CTDSPL: variants seen among roughly 807,000 people sequenced by gnomAD.
CTDSPL encodes CTD small phosphatase-like protein.
CTDSPL carries 8 observed loss-of-function variants against 30.5 expected under a neutral mutation model. That is an observed-to-expected ratio of 0.26 (90% CI 0.15 to 0.47). The LOEUF (loss-of-function observed/expected upper bound fraction) is 0.47, where lower values mean the gene tolerates loss of function less well. CTDSPL is among the 20% of genes least tolerant of loss of function. CTDSPL has a pLI of 0.99. For synonymous variants in CTDSPL, 110 were observed against 137.9 expected, an observed-to-expected ratio of 0.80 and a Z score of 1.42; for missense variants, 248 against 366.1, an observed-to-expected ratio of 0.68 and a Z score of 2.63.
At chr3:37,931,124 C>G (rs1698848994) in intron 1 of CTDSPL, among the ~76,000 whole-genome samples, 1 of 151,198 alleles carries the variant, frequency 6.6e-6, no homozygotes, top group Admixed American at 6.6e-5. Context: ...TTTTCTCCCC[C>G]TCTATTCAGC....
intron 1 of CTDSPL, among the ~76,000 whole-genome samples, chr3:37,895,963 A>G (rs1319979861): frequency 3.3e-5 from 5 of 152,214 alleles, no homozygotes; most frequent in Non-Finnish European, 7.4e-5. Context: ...AAAGTGAAGT[A>G]AAATTGTACT....
chr3:37,903,817 A>G (rs943215064), intron 1 of CTDSPL, among the ~76,000 whole-genome samples: 2 of 152,134 alleles, frequency 1.3e-5, no homozygotes, highest in Non-Finnish European at 2.9e-5. Flanking sequence ...AGAAGCTACA[A>G]TGGGTCAAGC....
intron 1 of CTDSPL, 96 bp from the exon 2 acceptor site, chr3:37,946,961 G>T (rs1299776728): frequency 2.9e-6 from 4 of 1,376,986 alleles, no homozygotes; most frequent in Non-Finnish European, 3.9e-6. Flanking sequence ...GGAATCTGGG[G>T]TCTGGGGGGC....
intron 1 of CTDSPL, among the ~76,000 whole-genome samples, chr3:37,891,011 T>A (rs1054170385): frequency 6.6e-6 from 1 of 152,168 alleles, no homozygotes; most frequent in African/African-American, 2.4e-5. Flanking sequence ...GCTTGCCTAG[T>A]ATGACACAAG....
intron 1 of CTDSPL, among the ~76,000 whole-genome samples, chr3:37,891,408 A>C (rs1698323622): frequency 6.6e-6 from 1 of 152,178 alleles, no homozygotes; most frequent in African/African-American, 2.4e-5. Context: ...GTTGTGAAGG[A>C]AAGGGCCCTT....
At chr3:37,917,123 G>A (rs1222882000) in intron 1 of CTDSPL, among the ~76,000 whole-genome samples, 5 of 152,140 alleles carry the variant, frequency 3.3e-5, no homozygotes, top group African/African-American at 1.2e-4. Context: ...ACACATATTC[G>A]TCTGTTCATT....
At chr3:37,909,076 G>T (rs779919929) in intron 1 of CTDSPL, among the ~76,000 whole-genome samples, 20 of 152,074 alleles carry the variant, frequency 1.3e-4, no homozygotes, top group Non-Finnish European at 2.2e-4. Context: ...CAATTAATTG[G>T]TCTTTCTCTT....
At chr3:37,898,687 C>A (rs1223154972) in intron 1 of CTDSPL, among the ~76,000 whole-genome samples, 1 of 152,128 alleles carries the variant, frequency 6.6e-6, no homozygotes, top group African/African-American at 2.4e-5. Context: ...AAGTAACATA[C>A]AACAATGATA....
intron 1 of CTDSPL, among the ~76,000 whole-genome samples, chr3:37,882,435 C>T (rs1372296624): frequency 1.9e-5 from 2 of 107,794 alleles, no homozygotes; most frequent in Non-Finnish European, 3.7e-5. Flanking sequence ...GAGCAAGACT[C>T]TAACTCAAAA....
chr3:37,889,451 G>T (rs1300584370), intron 1 of CTDSPL, among the ~76,000 whole-genome samples: 3 of 152,012 alleles, frequency 2.0e-5, no homozygotes, highest in Non-Finnish European at 4.4e-5. Context: ...GTTTCCAAAA[G>T]GTAGAATGAA....
chr3:37,949,347 G>T (rs1699082486), intron 2 of CTDSPL, among the ~76,000 whole-genome samples: 1 of 152,126 alleles, frequency 6.6e-6, no homozygotes, highest in African/African-American at 2.4e-5. Context: ...AATGTGCAAA[G>T]ATTTAACCAT....
intron 1 of CTDSPL, among the ~76,000 whole-genome samples, chr3:37,868,317 C>G (rs1012336867): frequency 1.2e-4 from 18 of 151,586 alleles, no homozygotes; most frequent in Non-Finnish European, 2.2e-4. Context: ...GATATTAGTC[C>G]TTTTTCAGAT....
Position 37,967,865 on chromosome 3 carries a change from G to A in CTDSPL, c.409G>A (p.Asp137Asn), listed in dbSNP as rs745705651. The change falls in exon 5 of 8, where the codon GAT becomes AAT. Residue 137 changes from aspartate (D) to asparagine (N), a missense_variant. This residue lies in a region of CTDSPL where 45 missense variants were observed against 83.1 expected (regional missense o/e 0.54). Coordinates refer to ENST00000273179, the MANE Select transcript of CTDSPL (RefSeq NM_001008392.2). ...TGATTTTATTGTTCCGGTTGAAATC[G>A]ATGGAACTATACATCAGGTAAGAAA... Reference protein sequence around the residue: ...NADFIVPVEIDGTIHQVYVLK... With the variant: ...NADFIVPVEINGTIHQVYVLK... 2.5e-6 allele frequency: 4 copies of A among 1,599,932 alleles called. No individual in the cohort carries two copies. The Admixed American group carries it at 5.2e-5, about 21-fold the overall frequency.
chr3:37,905,204 G>T (rs73058905), intron 1 of CTDSPL, among the ~76,000 whole-genome samples: 8,408 of 152,278 alleles, frequency 0.055, 313 homozygotes, highest in African/African-American at 0.1. Context: ...TTAATCATTG[G>T]TAGTGTTTTC....
chr3:37,879,867 C>T (rs1482231067), intron 1 of CTDSPL, among the ~76,000 whole-genome samples: 1 of 151,852 alleles, frequency 6.6e-6, no homozygotes, highest in African/African-American at 2.4e-5. Context: ...TTTATGTATA[C>T]ATATATAGTA....
chr3:37,979,491 A>T lies in CTDSPL; in HGVS notation c.706-1251A>T, dbSNP rs570075170. On this transcript the variant is annotated intron_variant, in intron 7 of 7. Coordinates refer to ENST00000273179, the MANE Select transcript of CTDSPL (RefSeq NM_001008392.2). ...GCGGCAGGTGCCTGTAATCCCAGCT[A>T]CTCAGGAGGCTGAGGCAGGAGAACC... 5.9e-5 allele frequency among the ~76,000 whole-genome samples: 9 copies of T among 152,234 alleles called. No individual in the cohort carries two copies. The South Asian group carries it at 1.9e-3, about 32-fold the overall frequency.
chr3:37,984,238 A>G lies in CTDSPL; in HGVS notation c.*3371A>G, dbSNP rs1245242323. On this transcript the variant is annotated 3_prime_UTR_variant, in exon 8 of 8. Coordinates refer to ENST00000273179, the MANE Select transcript of CTDSPL (RefSeq NM_001008392.2). The stretch of plus-strand genomic sequence containing the variant: ...CTTTGATCATGTCTGTTCCTGTTCC[A>G]TTCTCCCAGGAGCTTCTCTGCAGAC... 1.1e-5 allele frequency: 5 copies of G among 455,080 alleles called. No homozygotes were observed. The highest frequency in any genetic ancestry group is 9.4e-5 in the Admixed American group (4 of 42,488). The allele number at this position is 455,080 out of a possible 1,614,324, so 28.2% of individuals were successfully genotyped here.
chr3:37,941,196 C>T (rs73058946), intron 1 of CTDSPL, among the ~76,000 whole-genome samples: 4,471 of 150,222 alleles, frequency 0.03, 341 homozygotes, highest in Middle Eastern at 0.05. Flanking sequence ...CCAGTGGATA[C>T]ACAGGGACCA....
chr3:37,902,083 T>C (rs1247790911), intron 1 of CTDSPL, among the ~76,000 whole-genome samples: 1 of 152,192 alleles, frequency 6.6e-6, no homozygotes, highest in African/African-American at 2.4e-5. Flanking sequence ...GCAAATGCTG[T>C]TCTTGAAACT....
Sources: gnomAD v4.1 joint callset for allele counts (sites outside exome capture counted in the v4.1 genomes callset) on GRCh38, gnomAD v4.1.1 for gene constraint, gnomAD v4.1.1 regional missense constraint, MANE v1.5 for transcripts, NCBI Gene and HGNC (gene_info 2026-07-23, HGNC 2026-07-21) for gene names.